The following CYP2J2 variants were observed in gnomAD, a reference collection of about 807,000 sequenced individuals.
CYP2J2 encodes the protein cytochrome P450 family 2 subfamily J member 2, also known as cytochrome P450 2J2.
A neutral mutation model predicts 48.8 loss-of-function variants in CYP2J2; 41 were observed. The ratio of observed to expected loss-of-function variants is 0.84; its 90% CI spans 0.66 to 1.09. CYP2J2 has a LOEUF of 1.09. CYP2J2 is among the 50% of genes least tolerant of loss of function. The probability of loss-of-function intolerance (pLI) is 0.00; values close to 1 mark genes in which losing one functional copy is unlikely to be tolerated. For missense variants in CYP2J2, 644 were observed against 617.3 expected (o/e 1.04, Z -0.46); for synonymous variants, 221 against 227.1 (o/e 0.97, Z 0.24).
chr1:59,897,993 C>G (rs11572319), intron 8 of CYP2J2, among the ~76,000 whole-genome samples: 117 of 152,308 alleles, frequency 7.7e-4, no homozygotes, highest in African/African-American at 2.7e-3. Context: ...ATCTCCTGAT[C>G]CATTTAAATG....
At chr1:59,894,584 A>T (rs911372035) in intron 8 of CYP2J2, among the ~76,000 whole-genome samples, 7 of 152,174 alleles carry the variant, frequency 4.6e-5, no homozygotes, top group African/African-American at 1.7e-4. Flanking sequence ...GATTGGGGCA[A>T]ATTAAACAAC....
the CYP2J2 span, among the ~76,000 whole-genome samples, chr1:59,935,037 T>TATACACAAC: frequency 1.0e-5 from 1 of 96,208 alleles, no homozygotes; most frequent in Non-Finnish European, 2.2e-5. Flanking sequence ...TATATATATA[T>TATACACAAC]ATATATATAT....
At chr1:59,934,581 G>A in the CYP2J2 span, among the ~76,000 whole-genome samples, 1 of 152,068 alleles carries the variant, frequency 6.6e-6, no homozygotes, top group African/African-American at 2.4e-5. Flanking sequence ...AAACATACAA[G>A]TGGGTGAACA....
the CYP2J2 span, among the ~76,000 whole-genome samples, chr1:59,945,195 G>A: frequency 4.8e-4 from 73 of 152,060 alleles, no homozygotes; most frequent in African/African-American, 1.5e-3. Flanking sequence ...ATATTATGTC[G>A]CCAGATTTTC....
intron 6 of CYP2J2, among the ~76,000 whole-genome samples, chr1:59,907,055 A>T (rs1444211274): frequency 2.6e-5 from 4 of 152,222 alleles, no homozygotes; most frequent in African/African-American, 9.6e-5. Flanking sequence ...AAATAATGAG[A>T]ACATCATTCT....
At chr1:59,923,456 G>A (rs1336240509) in intron 1 of CYP2J2, among the ~76,000 whole-genome samples, 3 of 152,178 alleles carry the variant, frequency 2.0e-5, no homozygotes, top group African/African-American at 4.8e-5. Context: ...AACATCAATT[G>A]AGTGAGTTGA....
rs66515830 is a variant in CYP2J2, at chr1:59,911,717, A to T, written c.575T>A (p.Ile192Asn). 1.6e-5 allele frequency: 26 copies of T among 1,613,792 alleles called. No homozygotes were observed. The African/African-American group carries it at 3.3e-4, about 21-fold the overall frequency. The stretch of plus-strand genomic sequence containing the variant: ...GCGTTCTCCGAAGGTGATGGAGCAA[A>T]TGATATTGGAAACTGCATTGTTGAT... ...FKINNAVSNI[I>N]CSITFGERFE... The change falls in exon 4 of 9, where the codon ATT (isoleucine) becomes AAT (asparagine). Residue 192 changes from isoleucine to asparagine, a missense_variant. Transcript: ENST00000371204.
At chr1:59,918,182 A>C (rs774743738) in intron 1 of CYP2J2, among the ~76,000 whole-genome samples, 24 of 152,204 alleles carry the variant, frequency 1.6e-4, no homozygotes, top group Non-Finnish European at 3.4e-4. Context: ...ATACACATTA[A>C]GCAATTTTTT....
chr1:59,915,160 C>T (rs1644453573), intron 2 of CYP2J2, among the ~76,000 whole-genome samples: 1 of 152,198 alleles, frequency 6.6e-6, no homozygotes, highest in Non-Finnish European at 1.5e-5. Flanking sequence ...CCGCATTCCT[C>T]CTGCTGAGAT....
chr1:59,959,592 GTA>G, the CYP2J2 span, among the ~76,000 whole-genome samples: 2 of 151,718 alleles, frequency 1.3e-5, no homozygotes, highest in East Asian at 1.9e-4. Context: ...GTATGTATGT[GTA>G]TATATGTGCT....
the CYP2J2 span, among the ~76,000 whole-genome samples, chr1:59,935,027 T>TATATATATATATATAC: frequency 3.0e-5 from 3 of 100,140 alleles, no homozygotes; most frequent in East Asian, 2.6e-4. Context: ...TATATATATA[T>TATATATATATATATAC]ATATATATAT....
chr1:59,911,589 G>A lies in CYP2J2; in HGVS notation c.684+19C>T. On this transcript the variant is annotated intron_variant, in intron 4 of 8. Coordinates refer to ENST00000371204, the MANE Select transcript of CYP2J2 (RefSeq NM_000775.4). ...GCCCCAATTTACTGAACAAAGATAT[G>A]GAGAGACAGCTGCCTTACCTGGCAT... 6.3e-7 allele frequency: 1 copy of A among 1,580,826 alleles called. No individual in the cohort carries two copies. The highest frequency in any genetic ancestry group is 8.6e-7 in the Non-Finnish European group (1 of 1,160,858).
At chr1:59,965,260 C>A in the CYP2J2 span, among the ~76,000 whole-genome samples, 2 of 152,124 alleles carry the variant, frequency 1.3e-5, no homozygotes, top group African/African-American at 2.4e-5. Flanking sequence ...TGGATGCCTG[C>A]AATTGACAGG....
chr1:59,961,975 T>C, the CYP2J2 span, among the ~76,000 whole-genome samples: 11 of 152,072 alleles, frequency 7.2e-5, no homozygotes, highest in African/African-American at 2.7e-4. Flanking sequence ...AGGTAGATAA[T>C]AAGGAGTGAT....
intron 8 of CYP2J2, among the ~76,000 whole-genome samples, chr1:59,897,142 C>T (rs574840371): frequency 2.4e-4 from 36 of 152,314 alleles, no homozygotes; most frequent in African/African-American, 7.7e-4. Context: ...TAATTCATCT[C>T]GGTTCCCCTC....
the CYP2J2 span, among the ~76,000 whole-genome samples, chr1:59,935,015 C>CATATAGATAT: frequency 4.2e-5 from 2 of 47,496 alleles, no homozygotes; most frequent in Non-Finnish European, 4.2e-5. Flanking sequence ...TATATATATA[C>CATATAGATAT]ATATATATAT....
Position 59,900,954 on chromosome 1 carries a change from C to T in CYP2J2, c.1330+11G>A. On this transcript the variant is annotated intron_variant, in intron 8 of 8. Coordinates refer to ENST00000371204, the MANE Select transcript of CYP2J2 (RefSeq NM_000775.4). ...CCCTGGACTCCCACACACCTGTTTA[C>T]TACAACTTACCTATTGAGAAAGGCA... 2.5e-6 allele frequency: 4 copies of T among 1,612,886 alleles called. No individual in the cohort carries two copies. The highest frequency in any genetic ancestry group is 3.4e-6 in the Non-Finnish European group (4 of 1,179,010).
chr1:59,940,698 T>C, the CYP2J2 span, among the ~76,000 whole-genome samples: 1 of 152,198 alleles, frequency 6.6e-6, no homozygotes, highest in Non-Finnish European at 1.5e-5. Flanking sequence ...AGCAAACATA[T>C]GAAATCAATA....
rs72668087 is a variant in CYP2J2, at chr1:59,924,541, G to T, written c.210+1996C>A. Among the ~76,000 whole-genome samples the T allele has an allele frequency of 1.9e-3, 296 of 152,090 alleles. 1 individual carries two copies. Among genetic ancestry groups the T allele is most frequent in the Non-Finnish European group, 3.2e-3 (216 of 67,930 alleles). On this transcript the variant is annotated intron_variant, in intron 1 of 8. Transcript: ENST00000371204. ...TAGAGAGGGTAAAGGAACCTAAATGGTTGCAAGATATCTATATTTCACTTG... is the reference window on the plus strand; with the variant it reads ...TAGAGAGGGTAAAGGAACCTAAATGTTTGCAAGATATCTATATTTCACTTG...
Sources: gnomAD v4.1 joint callset for allele counts (sites outside exome capture counted in the v4.1 genomes callset) on GRCh38, gnomAD v4.1.1 for gene constraint, MANE v1.5 for transcripts, NCBI Gene and HGNC (gene_info 2026-07-23, HGNC 2026-07-21) for gene names.